The following ERICH1 variants were observed in gnomAD, a reference collection of about 807,000 sequenced individuals.
ERICH1 encodes glutamate rich 1.
ERICH1 carries 56 observed loss-of-function variants against 39.6 expected under a neutral mutation model. The ratio of observed to expected loss-of-function variants is 1.41; its 90% confidence interval spans 1.14 to 1.77. The LOEUF (loss-of-function observed/expected upper bound fraction) is 1.77, where lower values mean the gene tolerates loss of function less well. Among genes scored for constraint, ERICH1 ranks in the 40% most tolerant of loss-of-function variants. ERICH1 has a pLI of 0.00. For missense variants in ERICH1, 826 were observed against 575.4 expected (o/e 1.44, Z -4.45); for synonymous variants, 313 against 223.6 (o/e 1.40, Z -3.57).
chr8:663,379 C>G (rs556378339), downstream of ERICH1, among the ~76,000 whole-genome samples: 1 of 152,320 alleles, frequency 6.6e-6, no homozygotes, highest in African/African-American at 2.4e-5. Context: ...TGGCCCTGAT[C>G]AGCACTGGGG....
chr8:705,591 A>C (rs1168851931), intron 2 of ERICH1, among the ~76,000 whole-genome samples: 2 of 152,174 alleles, frequency 1.3e-5, no homozygotes, highest in Non-Finnish European at 2.9e-5. Flanking sequence ...GAAAACAGGG[A>C]TGCTTTCTCC....
intron 1 of ERICH1, among the ~76,000 whole-genome samples, chr8:719,386 G>A (rs1463885626): frequency 6.6e-6 from 1 of 152,232 alleles, no homozygotes; most frequent in Non-Finnish European, 1.5e-5. Flanking sequence ...TGGGTCCAGT[G>A]TTCTCAGGGT....
At chr8:708,928 C>T (rs903770115) in intron 2 of ERICH1, among the ~76,000 whole-genome samples, 1 of 151,810 alleles carries the variant, frequency 6.6e-6, no homozygotes. Flanking sequence ...CTCCTAAGCT[C>T]AAGTGATCCA....
At chr8:727,559 G>A (rs1469576937) in intron 1 of ERICH1, among the ~76,000 whole-genome samples, 1 of 152,208 alleles carries the variant, frequency 6.6e-6, no homozygotes. Context: ...CACCTGCAAG[G>A]GCGAGTGAAG....
chr8:654,956 G>A (rs1362799243), intron 3 of ERICH1, among the ~76,000 whole-genome samples: 1 of 152,238 alleles, frequency 6.6e-6, no homozygotes, highest in South Asian at 2.1e-4. Flanking sequence ...CTCTCAGGCT[G>A]GACGCCAGCC....
chr8:698,998 G>A (rs1811036137), intron 2 of ERICH1, among the ~76,000 whole-genome samples: 2 of 151,556 alleles, frequency 1.3e-5, no homozygotes, highest in African/African-American at 4.9e-5. Flanking sequence ...CCAAAGTCTC[G>A]GCTCAGCTGT....
At chr8:728,441 G>C (rs1013307600) in intron 1 of ERICH1, among the ~76,000 whole-genome samples, 1 of 152,162 alleles carries the variant, frequency 6.6e-6, no homozygotes, top group South Asian at 2.1e-4. Flanking sequence ...CTCACCCATC[G>C]CAGCAGGCCC....
intron 2 of ERICH1, among the ~76,000 whole-genome samples, chr8:707,890 C>T (rs1189140043): frequency 6.6e-6 from 1 of 152,158 alleles, no homozygotes; most frequent in Non-Finnish European, 1.5e-5. Context: ...ATTCGCAAAT[C>T]AGGTATCTGA....
chr8:702,269 G>A (rs1410503948), intron 2 of ERICH1, among the ~76,000 whole-genome samples: 1 of 152,116 alleles, frequency 6.6e-6, no homozygotes, highest in South Asian at 2.1e-4. Flanking sequence ...ATAAGAAACA[G>A]AAACCTCACA....
intron 3 of ERICH1, among the ~76,000 whole-genome samples, chr8:628,929 C>G (rs1413354476): frequency 1.3e-5 from 2 of 152,142 alleles, no homozygotes. Flanking sequence ...CACCCCAGCT[C>G]AAGGTCAACA....
In ERICH1 at chr8:730,564, G is replaced by T. The variant is rs572858491; in HGVS notation, c.22+576C>A. On this transcript the variant is annotated intron_variant, in intron 1 of 5. Coordinates refer to ENST00000262109, the MANE Select transcript of ERICH1 (RefSeq NM_207332.3). ...TATTTTCTAACACTTCCGTTCTAAG[G>T]CACGGCCAGGTTAACCAATTCTATT... 5.9e-5 allele frequency among the ~76,000 whole-genome samples: 9 copies of T among 152,300 alleles called. No individual in the cohort carries two copies. The South Asian group carries it at 1.7e-3, about 28-fold the overall frequency.
At chr8:643,499 C>A (rs1385993064) in intron 3 of ERICH1, among the ~76,000 whole-genome samples, 1 of 151,990 alleles carries the variant, frequency 6.6e-6, no homozygotes, top group Non-Finnish European at 1.5e-5. Flanking sequence ...CACTGATGGT[C>A]ACCCCCGTGC....
At chr8:636,137 G>A (rs954283588) in intron 3 of ERICH1, among the ~76,000 whole-genome samples, 19 of 152,188 alleles carry the variant, frequency 1.2e-4, no homozygotes, top group African/African-American at 4.1e-4. Context: ...AATGTCTGGC[G>A]CGCTCTAAGG....
In ERICH1 at chr8:668,776, T is replaced by G. The variant is rs146050477; in HGVS notation, c.1080A>C (p.Ala360=). 4 of 1,610,706 alleles carry G rather than the reference T, an allele frequency of 2.5e-6. No homozygotes were observed. The South Asian group carries it at 4.4e-5, about 18-fold the overall frequency. The change falls in exon 5 of 6, where the codon GCA becomes GCC. Residue 360 remains alanine, a synonymous_variant. Coordinates refer to ENST00000262109, the MANE Select transcript of ERICH1 (RefSeq NM_207332.3). ...CGGCATCTGCGAGGGCAGCTGAAGCTGCATCTCTGGAGACACCTACATAAA... is the reference window on the plus strand; with the variant it reads ...CGGCATCTGCGAGGGCAGCTGAAGCGGCATCTCTGGAGACACCTACATAAA... ...MYFYDGVSRD[A]ASAALADAAE... is the part of the protein sequence containing the mutation.
chr8:729,743 G>A (rs1819573013), intron 1 of ERICH1, among the ~76,000 whole-genome samples: 1 of 151,888 alleles, frequency 6.6e-6, no homozygotes, highest in African/African-American at 2.4e-5. Context: ...GCTGTTTCGA[G>A]GGAAGGTGAT....
At chr8:694,026 C>T (rs190443234) in intron 2 of ERICH1, among the ~76,000 whole-genome samples, 101 of 152,330 alleles carry the variant, frequency 6.6e-4, no homozygotes, top group African/African-American at 2.4e-3. Flanking sequence ...GATGCTCTTG[C>T]ACGTGACAAA....
At chr8:654,884 C>T (rs142186116) in intron 3 of ERICH1, among the ~76,000 whole-genome samples, 20 of 152,298 alleles carry the variant, frequency 1.3e-4, no homozygotes, top group Admixed American at 2.6e-4. Context: ...GAACCTGAGG[C>T]GGGAACACCT....
chr8:661,453 GT>G (rs371773359), downstream of ERICH1, among the ~76,000 whole-genome samples: 235 of 152,220 alleles, frequency 1.5e-3, 2 homozygotes, highest in East Asian at 0.028. Context: ...GATATTCTGT[GT>G]TTTTTTCCTT....
chr8:624,049 C>G (rs1482018965), intron 3 of ERICH1, among the ~76,000 whole-genome samples: 5 of 152,020 alleles, frequency 3.3e-5, no homozygotes, highest in Non-Finnish European at 7.4e-5. Context: ...TTTTACAACT[C>G]AATAATAAAA....
Sources: gnomAD v4.1 joint callset for allele counts (sites outside exome capture counted in the v4.1 genomes callset) on GRCh38, gnomAD v4.1.1 for gene constraint, MANE v1.5 for transcripts, NCBI Gene and HGNC (gene_info 2026-07-23, HGNC 2026-07-21) for gene names.